The following SLC8A3 variants were observed in gnomAD, a reference collection of about 807,000 sequenced individuals.
The protein encoded by SLC8A3 is sodium/calcium exchanger 3.
In SLC8A3, 37 loss-of-function variants were observed where a neutral mutation model predicts 65.4. The observed-to-expected ratio is 0.57, with a 90% CI of 0.44 to 0.74. The LOEUF is 0.74. Ranked by LOEUF, SLC8A3 falls within the 30% of genes least tolerant of loss-of-function variation. The pLI, the probability that SLC8A3 is intolerant of heterozygous loss-of-function variation, is 0.00. For synonymous variants in SLC8A3, 461 were observed against 444.5 expected, an observed-to-expected ratio of 1.04 and a Z score of -0.47; for missense variants, 1,112 against 1,172.1, an observed-to-expected ratio of 0.95 and a Z score of 0.75.
Position 70,055,813 on chromosome 14 carries a change from G to A in SLC8A3, c.1889-3699C>T, listed in dbSNP as rs774149200. The A allele has an allele frequency of 1.3e-5, 21 of 1,610,294 alleles. No homozygotes were observed. The highest frequency in any genetic ancestry group is 1.7e-4 in the Middle Eastern group (1 of 6,058). On this transcript the variant is annotated intron_variant, in intron 3 of 6. Coordinates refer to ENST00000356921, the MANE Select transcript of SLC8A3 (RefSeq NM_182932.3). ...CCTCTTACCTGGAGATAACAGGAGCGCTGTTTGCAAATGGATACCAGAAAA... is the reference window on the plus strand; with the variant it reads ...CCTCTTACCTGGAGATAACAGGAGCACTGTTTGCAAATGGATACCAGAAAA...
At chr14:70,177,422 A>G (rs557258343) in intron 1 of SLC8A3, among the ~76,000 whole-genome samples, 29 of 152,316 alleles carry the variant, frequency 1.9e-4, no homozygotes, top group Non-Finnish European at 3.8e-4. Context: ...ATTACACCAA[A>G]ACAACTACCA....
chr14:70,065,914 T>C (rs1889370260), intron 2 of SLC8A3, among the ~76,000 whole-genome samples: 1 of 151,778 alleles, frequency 6.6e-6, no homozygotes, highest in South Asian at 2.1e-4. Flanking sequence ...TTAGAGGGGG[T>C]TGGAATGTTA....
intron 2 of SLC8A3, among the ~76,000 whole-genome samples, chr14:70,127,100 A>G (rs983001394): frequency 2.0e-5 from 3 of 150,858 alleles, no homozygotes; most frequent in African/African-American, 7.3e-5. Context: ...TCTGCCTTCT[A>G]TTTCCCTATA....
intron 2 of SLC8A3, among the ~76,000 whole-genome samples, chr14:70,149,009 G>A (rs2140300257): frequency 6.6e-6 from 1 of 152,328 alleles, no homozygotes; most frequent in Middle Eastern, 3.4e-3. Flanking sequence ...CTTGGATTTA[G>A]TGACAAGCTG....
chr14:70,075,764 C>T (rs746773104), intron 2 of SLC8A3, among the ~76,000 whole-genome samples: 23 of 152,268 alleles, frequency 1.5e-4, no homozygotes, highest in Non-Finnish European at 2.8e-4. Context: ...CATGCTGCTC[C>T]CCTACTTAAA....
chr14:70,123,853 A>G (rs971990582), intron 2 of SLC8A3, among the ~76,000 whole-genome samples: 1 of 152,216 alleles, frequency 6.6e-6, no homozygotes, highest in Admixed American at 6.5e-5. Context: ...CATCTATTTA[A>G]GAGGACTTAA....
intron 1 of SLC8A3, among the ~76,000 whole-genome samples, chr14:70,169,302 T>C (rs1338674841): frequency 6.6e-6 from 1 of 152,080 alleles, no homozygotes; most frequent in Non-Finnish European, 1.5e-5. Flanking sequence ...AGAGGCCATG[T>C]AAGTTGTGCC....
intron 2 of SLC8A3, among the ~76,000 whole-genome samples, chr14:70,142,429 G>A (rs1030389535): frequency 2.0e-5 from 3 of 152,174 alleles, no homozygotes; most frequent in Non-Finnish European, 4.4e-5. Context: ...AAGATACAAC[G>A]TCCATACAAC....
chr14:70,139,468 T>A (rs1317233038), intron 2 of SLC8A3, among the ~76,000 whole-genome samples: 1 of 152,114 alleles, frequency 6.6e-6, no homozygotes, highest in Non-Finnish European at 1.5e-5. Flanking sequence ...TGGGGCCATA[T>A]GAGAACACAG....
intron 2 of SLC8A3, among the ~76,000 whole-genome samples, chr14:70,139,131 G>A (rs1895405428): frequency 6.6e-6 from 1 of 152,144 alleles, no homozygotes; most frequent in African/African-American, 2.4e-5. Flanking sequence ...CAGCTGAACT[G>A]GCTCTGCCAC....
At chr14:70,060,538 A>C in intron 3 of SLC8A3, 1 of 494,374 alleles carries the variant, frequency 2.0e-6, no homozygotes. Flanking sequence ...AAAACAGGGA[A>C]ATAACTCATT....
chr14:70,092,765 A>G (rs1486930798), intron 2 of SLC8A3, among the ~76,000 whole-genome samples: 1 of 152,222 alleles, frequency 6.6e-6, no homozygotes, highest in Admixed American at 6.5e-5. Context: ...AAGAAAAAAG[A>G]AAGAATTCTG....
At chr14:70,120,846 A>C (rs1371605502) in intron 2 of SLC8A3, among the ~76,000 whole-genome samples, 1 of 152,204 alleles carries the variant, frequency 6.6e-6, no homozygotes, top group Admixed American at 6.5e-5. Context: ...AGGCACAGTG[A>C]TCTTTAAGAT....
chr14:70,076,308 GTTTA>G (rs1204833407), intron 2 of SLC8A3, among the ~76,000 whole-genome samples: 1 of 152,026 alleles, frequency 6.6e-6, no homozygotes, highest in African/African-American at 2.4e-5. Context: ...CCTTTATCTT[GTTTA>G]TTTATTTATC....
At chr14:70,155,818 G>A (rs1042281732) in intron 2 of SLC8A3, among the ~76,000 whole-genome samples, 13 of 152,184 alleles carry the variant, frequency 8.5e-5, no homozygotes, top group Non-Finnish European at 1.5e-4. Flanking sequence ...TAATTTCAAA[G>A]CATTTTACAT....
chr14:70,073,461 T>C (rs1890192557), intron 2 of SLC8A3, among the ~76,000 whole-genome samples: 1 of 152,200 alleles, frequency 6.6e-6, no homozygotes, highest in Non-Finnish European at 1.5e-5. Context: ...CTCTCTTTTT[T>C]CTAAGTCAAG....
Position 70,045,942 on chromosome 14 carries a change from G to A in SLC8A3, c.*5C>T, listed in dbSNP as rs1254894609. On this transcript the variant is annotated 3_prime_UTR_variant, in exon 7 of 7. Coordinates refer to ENST00000356921, the MANE Select transcript of SLC8A3 (RefSeq NM_182932.3). The stretch of plus-strand genomic sequence containing the variant: ...CCTGCCCTGCTGGAGGCTCTGTTGT[G>A]TGGCTTAGAACCCCTTGATGTAGCA... 2.5e-6 allele frequency: 4 copies of A among 1,577,394 alleles called. No individual in the cohort carries two copies. In the Admixed American group the frequency reaches 7.0e-5, roughly 27 times the overall value.
intron 2 of SLC8A3, among the ~76,000 whole-genome samples, chr14:70,062,862 T>C (rs1244900546): frequency 1.3e-5 from 2 of 152,132 alleles, no homozygotes; most frequent in Non-Finnish European, 2.9e-5. Context: ...TGCTGTGGGA[T>C]GGGATTGGGG....
At chr14:70,081,476 T>C (rs1400681696) in intron 2 of SLC8A3, among the ~76,000 whole-genome samples, 1 of 152,204 alleles carries the variant, frequency 6.6e-6, no homozygotes, top group African/African-American at 2.4e-5. Flanking sequence ...CAGCCTGAAG[T>C]CAGGCATGTC....
Sources: allele counts gnomAD v4.1 joint callset (sites outside exome capture counted in the v4.1 genomes callset), GRCh38; gene constraint gnomAD v4.1.1; transcripts MANE v1.5; gene names NCBI Gene and HGNC (gene_info 2026-07-23, HGNC 2026-07-21).